The following PSD variants were observed in gnomAD, a reference collection of about 807,000 sequenced individuals.
PSD encodes PH and SEC7 domain-containing protein 1.
In PSD, 32 loss-of-function variants were observed where a neutral mutation model predicts 91.6. The observed-to-expected ratio is 0.35, with a 90% CI of 0.26 to 0.47. The LOEUF (loss-of-function observed/expected upper bound fraction) is 0.47, where lower values mean the gene tolerates loss of function less well. Ranked by LOEUF, PSD falls within the 20% of genes least tolerant of loss-of-function variation. The pLI is 1.00. For synonymous variants in PSD, 532 were observed against 569.3 expected, an observed-to-expected ratio of 0.93 and a Z score of 0.93; for missense variants, 1,099 against 1,373.9, an observed-to-expected ratio of 0.80 and a Z score of 3.16.
chr10:102,419,210 G>A (rs1410383357), upstream of PSD: 1 of 164,938 alleles, frequency 6.1e-6, no homozygotes, highest in Non-Finnish European at 1.3e-5. This position sits in a 1 kb window ranked among gnomAD's most constrained non-coding sequence, Gnocchi z 4.8. Flanking sequence ...GTGTAGACTG[G>A]ACCCGCCCCC....
rs765006141 is a variant in PSD, at chr10:102,405,256, G to T, written c.2327-3C>A. On this transcript the variant is annotated splice_region_variant and splice_polypyrimidine_tract_variant and intron_variant, in intron 12 of 16. Transcript: ENST00000020673. This position sits in a 1 kb window ranked among gnomAD's most constrained non-coding sequence, Gnocchi z 5.4. ...CCAGCCCCGCTTGCCCCGAGGTGCT[G>T]CGGGGAGAGAAGACAGGTCAGGGGG... The T allele has an allele frequency of 1.2e-6, 2 of 1,610,616 alleles. No individual in the cohort carries two copies. Among genetic ancestry groups the T allele is most frequent in the South Asian group, 1.1e-5 (1 of 91,086 alleles).
At position 102,410,628 on chromosome 10, in the gene PSD, C is replaced by T. The variant is rs1490138741; in HGVS notation, c.2091+230G>A. ...TTTTCCAGAGCCGGGTCCCCTCCCC[C>T]GCCGTGCGCAGTCGCGACCGCACGC... On this transcript the variant is annotated intron_variant, in intron 10 of 16. Coordinates refer to ENST00000020673, the MANE Select transcript of PSD (RefSeq NM_002779.5). The surrounding 1 kb of genome is among the most constrained non-coding windows in gnomAD (Gnocchi z 6.0). Among the ~76,000 whole-genome samples, 1 of 152,186 alleles carries T rather than the reference C, an allele frequency of 6.6e-6. No homozygotes were observed. The highest frequency in any genetic ancestry group is 1.9e-4 in the East Asian group (1 of 5,184).
chr10:102,414,800 G>A lies in PSD; in HGVS notation c.1124+63C>T, dbSNP rs1294844226. 1.4e-6 allele frequency: 2 copies of A among 1,474,380 alleles called. No individual in the cohort carries two copies. Among genetic ancestry groups the A allele is most frequent in the African/African-American group, 1.4e-5 (1 of 71,144 alleles). The allele number at this position is 1,474,380 out of a possible 1,614,324, so 91.3% of individuals were successfully genotyped here. ...GCCCTTTGAGCCCGGCTCTGCCTGT[G>A]GGCCAGTGCGAAGGAGCAAGCCGCT... On this transcript the variant is annotated intron_variant, in intron 4 of 16. Transcript: ENST00000020673. This position sits in a 1 kb window ranked among gnomAD's most constrained non-coding sequence, Gnocchi z 5.6.
intron 5 of PSD, 101 bp downstream of exon 5, chr10:102,413,668 A>G: frequency 8.0e-7 from 1 of 1,252,512 alleles, no homozygotes; most frequent in South Asian, 1.5e-5. Context: ...CTCAGGGGTC[A>G]GGAATATAAA....
intron 3 of PSD, 131 bp downstream of exon 3, chr10:102,415,885 TG>T: frequency 1.5e-6 from 1 of 649,736 alleles, no homozygotes; most frequent in Non-Finnish European, 2.7e-6. Flanking sequence ...GATTGAGGCC[TG>T]GGGAGACATT....
At position 102,412,574 on chromosome 10, in the gene PSD, C is replaced by T. The variant is rs759812276; in HGVS notation, c.1555G>A (p.Glu519Lys). 5.6e-6 allele frequency: 9 copies of T among 1,609,182 alleles called. No homozygotes were observed. Among genetic ancestry groups the T allele is most frequent in the South Asian group, 3.3e-5 (3 of 90,726 alleles). ...LGLGAAPLGS[E>K]PPLSQLVSDS... The stretch of plus-strand genomic sequence containing the variant: ...GACACCAGCTGGCTCAGGGGTGGTT[C>T]GCTGCCGGGGTAGAACACCAGCTCA... Residue 519 changes from glutamate (E) to lysine (K), a missense_variant and splice_region_variant, in exon 6 of 17, where the codon GAA (glutamate) becomes AAA (lysine). This residue lies in a region of PSD where 631 missense variants were observed against 728.8 expected (regional missense o/e 0.87). Coordinates refer to ENST00000020673, the MANE Select transcript of PSD (RefSeq NM_002779.5).
At position 102,409,046 on chromosome 10, in the gene PSD, G is replaced by A. The variant is rs2061396514; in HGVS notation, c.2092-1780C>T. On this transcript the variant is annotated intron_variant, in intron 10 of 16. Coordinates refer to ENST00000020673, the MANE Select transcript of PSD (RefSeq NM_002779.5). The surrounding 1 kb of genome is among the most constrained non-coding windows in gnomAD (Gnocchi z 5.7). ...GTAGCGCACGGAGCACAGCGAGCGC[G>A]AGCGCAGCCGCCCGGCGCTGCTGTG... 1.0e-6 allele frequency: 1 copy of A among 986,042 alleles called. No homozygotes were observed. The highest frequency in any genetic ancestry group is 6.2e-5 in the Admixed American group (1 of 16,252). The allele number at this position is 986,042 out of a possible 1,614,324, so 61.1% of individuals were successfully genotyped here.
In PSD at chr10:102,407,279, G is replaced by A; in HGVS notation, c.2092-13C>T. 3 of 1,567,694 alleles carry A rather than the reference G, an allele frequency of 1.9e-6. No homozygotes were observed. The highest frequency in any genetic ancestry group is 2.6e-6 in the Non-Finnish European group (3 of 1,155,406). On this transcript the variant is annotated splice_polypyrimidine_tract_variant and intron_variant, in intron 10 of 16. Transcript: ENST00000020673. ...AGCTGTACAAGGCCTGGGGGGTGGG[G>A]GGAACAAATTAGGGGGTTGTGGGTC...
chr10:102,407,673 C>T (rs542729324), intron 10 of PSD, among the ~76,000 whole-genome samples: 1 of 152,180 alleles, frequency 6.6e-6, no homozygotes, highest in Non-Finnish European at 1.5e-5. Flanking sequence ...CCCCCAACCA[C>T]GCGCTCTGGC....
rs530073317 is a variant in PSD, at chr10:102,416,799, G to A, written c.240C>T (p.Pro80=). 5.0e-6 allele frequency: 8 copies of A among 1,598,012 alleles called. No individual in the cohort carries two copies. In the East Asian group the frequency reaches 1.8e-4, roughly 36 times the overall value. ...LRGPPSPRVA[P]SPWAPSSPTG... ...TGGGTGAAGAGGGTGCCCAGGGTGA[G>A]GGAGCAACACGGGGTGAGGGGGGGC... is the stretch of plus-strand genomic sequence containing the variant. The change falls in exon 2 of 17, where the codon CCC becomes CCT. Residue 80 remains proline, a synonymous_variant. Coordinates refer to ENST00000020673, the MANE Select transcript of PSD (RefSeq NM_002779.5). This position sits in a 1 kb window ranked among gnomAD's most constrained non-coding sequence, Gnocchi z 6.0.
chr10:102,418,496 A>G (rs2061512835), intron 1 of PSD, among the ~76,000 whole-genome samples: 1 of 151,954 alleles, frequency 6.6e-6, no homozygotes, highest in Non-Finnish European at 1.5e-5. Context: ...ATCTGCACCC[A>G]TATTCCTCTC....
chr10:102,413,425 G>T (rs781056365), intron 5 of PSD, among the ~76,000 whole-genome samples: 3 of 152,166 alleles, frequency 2.0e-5, no homozygotes, highest in Non-Finnish European at 4.4e-5. Context: ...TTCAGGCTGG[G>T]TGAGGGTAAG....
intron 5 of PSD, among the ~76,000 whole-genome samples, chr10:102,413,253 G>A (rs1048349279): frequency 6.6e-6 from 1 of 152,174 alleles, no homozygotes; most frequent in African/African-American, 2.4e-5. Flanking sequence ...CCCTCCTGTT[G>A]CCATGGCTTC....
In PSD at chr10:102,404,429, A is replaced by C. The variant is rs1454020242; in HGVS notation, c.2700+154T>G. ...GGTTCCCAGCCGGCAAGCGGGACCC[A>C]GTGGGGGCTGGATTTCAGTCCCTGC... On this transcript the variant is annotated intron_variant, in intron 15 of 16. Coordinates refer to ENST00000020673, the MANE Select transcript of PSD (RefSeq NM_002779.5). This position sits in a 1 kb window ranked among gnomAD's most constrained non-coding sequence, Gnocchi z 5.7. 6.6e-6 allele frequency among the ~76,000 whole-genome samples: 1 copy of C among 151,390 alleles called. No homozygotes were observed. Among genetic ancestry groups the C allele is most frequent in the Non-Finnish European group, 1.5e-5 (1 of 67,974 alleles).
At position 102,417,135 on chromosome 10, in the gene PSD, AG is replaced by A; in HGVS notation, c.-83-15del. 5.8e-6 allele frequency: 4 copies of A among 693,340 alleles called. No individual in the cohort carries two copies. In the East Asian group the frequency reaches 8.2e-5, roughly 14 times the overall value. The allele number at this position is 693,340 out of a possible 1,614,324, so 42.9% of individuals were successfully genotyped here. A position where few individuals can be genotyped will look rare whatever the true frequency, so the allele number is the denominator to read the frequency against. On this transcript the variant is annotated splice_polypyrimidine_tract_variant and intron_variant, in intron 1 of 16. Coordinates refer to ENST00000020673, the MANE Select transcript of PSD (RefSeq NM_002779.5). ...CTTCAGACAGGCCTGTAAGAGAGGAAGGGGAGCATGGGGTGAACTGCCAAGG... is the reference window on the plus strand; with the variant it reads ...CTTCAGACAGGCCTGTAAGAGAGGAAGGGAGCATGGGGTGAACTGCCAAGG...
chr10:102,416,298 G>A lies in PSD; in HGVS notation c.654+87C>T. 1 of 1,453,168 alleles carries A rather than the reference G, an allele frequency of 6.9e-7. No homozygotes were observed. Among genetic ancestry groups the A allele is most frequent in the Non-Finnish European group, 9.4e-7 (1 of 1,066,602 alleles). The allele number at this position is 1,453,168 out of a possible 1,614,324, so 90.0% of individuals were successfully genotyped here. ...TTTAGAACAGATTAAAGGATTCAGA[G>A]TGAACAGCAGACAAGCCCATGTCTG... On this transcript the variant is annotated intron_variant, in intron 2 of 16. Coordinates refer to ENST00000020673, the MANE Select transcript of PSD (RefSeq NM_002779.5). The surrounding 1 kb of genome is among the most constrained non-coding windows in gnomAD (Gnocchi z 6.0).
In PSD at chr10:102,402,845, G is replaced by C. The variant is rs2061295092; in HGVS notation, c.*355C>G. Reference sequence around the variant, plus strand: ...TGTCCAAGCCAGGCCCCAGGACAGAGGGGGACTGATGGTGTCAGGGTGGGG... The same window carrying C: ...TGTCCAAGCCAGGCCCCAGGACAGACGGGGACTGATGGTGTCAGGGTGGGG... On this transcript the variant is annotated 3_prime_UTR_variant, in exon 17 of 17. Transcript: ENST00000020673. The C allele has an allele frequency of 7.6e-6, 2 of 263,594 alleles. No individual in the cohort carries two copies. The highest frequency in any genetic ancestry group is 1.3e-4 in the East Asian group (2 of 15,098). The allele number at this position is 263,594 out of a possible 1,614,324, so 16.3% of individuals were successfully genotyped here.
chr10:102,410,885 G>A lies in PSD; in HGVS notation c.2064C>T (p.Gly688=), dbSNP rs1386694692. 1 of 1,613,398 alleles carries A rather than the reference G, an allele frequency of 6.2e-7. No individual in the cohort carries two copies. The highest frequency in any genetic ancestry group is 2.2e-5 in the East Asian group (1 of 44,854). Residue 688 remains glycine (G), a synonymous_variant, in exon 10 of 17, where the codon GGC becomes GGT. Coordinates refer to ENST00000020673, the MANE Select transcript of PSD (RefSeq NM_002779.5). This position sits in a 1 kb window ranked among gnomAD's most constrained non-coding sequence, Gnocchi z 6.0. The part of the protein sequence containing the change: ...FIGNLEGLND[G]GDFPRELLKA... ...TGAGCAGCTCCCTAGGGAAGTCGCC[G>A]CCATCATTGAGGCCCTCCAGGTTCC...
rs2061410873 is a variant in PSD, at chr10:102,410,208, G to A, written c.2091+650C>T. The stretch of plus-strand genomic sequence containing the variant: ...TAAACTACCACCAGATCAGGGAGAG[G>A]AGTGAACCCACTGGATGAGCCACTC... On this transcript the variant is annotated intron_variant, in intron 10 of 16. Coordinates refer to ENST00000020673, the MANE Select transcript of PSD (RefSeq NM_002779.5). This position sits in a 1 kb window ranked among gnomAD's most constrained non-coding sequence, Gnocchi z 6.0. Among the ~76,000 whole-genome samples, 1 of 152,150 alleles carries A rather than the reference G, an allele frequency of 6.6e-6. No homozygotes were observed. Among genetic ancestry groups the A allele is most frequent in the Non-Finnish European group, 1.5e-5 (1 of 68,036 alleles).
Sources: gnomAD v4.1 joint callset for allele counts (sites outside exome capture counted in the v4.1 genomes callset) on GRCh38, gnomAD v4.1.1 for gene constraint, gnomAD v4.1.1 regional missense constraint, Gnocchi (gnomAD v3.1) non-coding constraint, MANE v1.5 for transcripts, NCBI Gene and HGNC (gene_info 2026-07-23, HGNC 2026-07-21) for gene names.